MARCHF6: variants seen among roughly 807,000 people sequenced by gnomAD.
MARCHF6 encodes E3 ubiquitin-protein ligase MARCHF6.
A neutral mutation model predicts 133.7 loss-of-function variants in MARCHF6; 31 were observed. The observed-to-expected ratio is 0.23, with a 90% confidence interval of 0.17 to 0.31. The LOEUF (loss-of-function observed/expected upper bound fraction) is 0.31, where lower values mean the gene tolerates loss of function less well. MARCHF6 is among the 10% of genes least tolerant of loss of function. The pLI is 1.00. For missense variants in MARCHF6, 723 were observed against 1,121.6 expected (o/e 0.64, Z 5.08); for synonymous variants, 395 against 402.5 (o/e 0.98, Z 0.22).
chr5:10,378,293 TA>T (rs574172796), intron 2 of MARCHF6, among the ~76,000 whole-genome samples: 15 of 152,232 alleles, frequency 9.9e-5, no homozygotes, highest in Non-Finnish European at 1.8e-4. Context: ...AACTCATTTT[TA>T]ATCCTTATAA....
rs1470679268 is a variant in MARCHF6, at chr5:10,366,706, G to A, written c.20-11092G>A. Among the ~76,000 whole-genome samples, 5 of 152,224 alleles carry A rather than the reference G, an allele frequency of 3.3e-5. No individual in the cohort carries two copies. The East Asian group carries it at 9.6e-4, about 29-fold the overall frequency. ...CCTTAGAATTTATTGGGTAGAAAGA[G>A]CAGGGGGGAGGTGATAATGACTGGT... On this transcript the variant is annotated intron_variant, in intron 1 of 25. Coordinates refer to ENST00000274140, the MANE Select transcript of MARCHF6 (RefSeq NM_005885.4).
At chr5:10,406,210 A>G (rs976789179) in intron 16 of MARCHF6, among the ~76,000 whole-genome samples, 1 of 152,170 alleles carries the variant, frequency 6.6e-6, no homozygotes, top group Non-Finnish European at 1.5e-5. Context: ...CTGGTCCCTG[A>G]TGCCAAAATG....
intron 4 of MARCHF6, among the ~76,000 whole-genome samples, chr5:10,384,500 G>A (rs533945293): frequency 2.2e-4 from 33 of 152,274 alleles, no homozygotes; most frequent in African/African-American, 7.5e-4. Flanking sequence ...AATATACTAA[G>A]CTCTCCGTAT....
chr5:10,409,857 A>G (rs1739117916), intron 17 of MARCHF6, among the ~76,000 whole-genome samples: 1 of 152,138 alleles, frequency 6.6e-6, no homozygotes, highest in African/African-American at 2.4e-5. Flanking sequence ...GTGAGGTGTC[A>G]AAGGAAGGAG....
intron 24 of MARCHF6, among the ~76,000 whole-genome samples, chr5:10,428,857 C>T (rs1290183895): frequency 1.3e-5 from 2 of 152,016 alleles, no homozygotes; most frequent in Admixed American, 1.3e-4. Flanking sequence ...TTATTGTGAG[C>T]ATTTCTGGAA....
chr5:10,402,963 G>A (rs79130699), intron 14 of MARCHF6, among the ~76,000 whole-genome samples: 2,889 of 152,192 alleles, frequency 0.019, 98 homozygotes, highest in African/African-American at 0.066. Flanking sequence ...CTAATCATTT[G>A]ATTTAACTAA....
chr5:10,415,539 A>G lies in MARCHF6; in HGVS notation c.2018A>G (p.His673Arg). The part of the protein sequence containing the change: ...MSFWTGTAKI[H>R]ELYTAACGLY... ...TTTTGGACGGGGACTGCCAAAATCC[A>G]TGAGCTCTACACAGCTGCTTGTGGT... Residue 673 changes from histidine to arginine, a missense_variant, in exon 21 of 26, where the codon CAT becomes CGT. By Grantham distance (29) the His-to-Arg change is conservative (BLOSUM62 0). This residue lies in a region of MARCHF6 where 492 missense variants were observed against 699.5 expected (regional missense o/e 0.70). Coordinates refer to ENST00000274140, the MANE Select transcript of MARCHF6 (RefSeq NM_005885.4). 1 of 1,604,516 alleles carries G rather than the reference A, an allele frequency of 6.2e-7. No homozygotes were observed. Among genetic ancestry groups the G allele is most frequent in the Non-Finnish European group, 8.5e-7 (1 of 1,175,290 alleles).
rs769643438 is a variant in MARCHF6, at chr5:10,386,982, C to CT, written c.335-7dup. 5.6e-6 allele frequency: 9 copies of CT among 1,611,772 alleles called. No homozygotes were observed. Among genetic ancestry groups the CT allele is most frequent in the Non-Finnish European group, 7.6e-6 (9 of 1,178,110 alleles). On this transcript the variant is annotated splice_polypyrimidine_tract_variant and intron_variant, in intron 4 of 25. Transcript: ENST00000274140. ...AGTTGTGACTGTGTGCCATCATGCT[C>CT]TTTTTCGGTAGGCCGCATCTACAAG...
chr5:10,386,597 CT>C, intron 4 of MARCHF6, among the ~76,000 whole-genome samples: 1 of 152,296 alleles, frequency 6.6e-6, no homozygotes, highest in East Asian at 1.9e-4. Flanking sequence ...ATTTCAAAGA[CT>C]TATACCTCCA....
intron 9 of MARCHF6, among the ~76,000 whole-genome samples, chr5:10,395,950 G>A (rs1738165325): frequency 6.6e-6 from 1 of 152,262 alleles, no homozygotes; most frequent in Non-Finnish European, 1.5e-5. Flanking sequence ...AGTATAGAAA[G>A]CATTATTTGG....
At chr5:10,424,190 T>A (rs992062309) in intron 23 of MARCHF6, among the ~76,000 whole-genome samples, 17 of 152,136 alleles carry the variant, frequency 1.1e-4, no homozygotes, top group Non-Finnish European at 1.3e-4. Context: ...GAATAATAAA[T>A]TTTTAGAGAA....
At chr5:10,425,076 C>T (rs1179721780) in intron 23 of MARCHF6, among the ~76,000 whole-genome samples, 2 of 152,182 alleles carry the variant, frequency 1.3e-5, no homozygotes. Flanking sequence ...AGTTCTGCAG[C>T]AGTAAAGTAC....
At chr5:10,418,223 A>T (rs181682015) in intron 22 of MARCHF6, among the ~76,000 whole-genome samples, 1,533 of 152,128 alleles carry the variant, frequency 0.01, 11 homozygotes, top group Middle Eastern at 0.061. Context: ...TACCCAAAAT[A>T]CAAAAAATTA....
intron 1 of MARCHF6, among the ~76,000 whole-genome samples, chr5:10,363,841 A>G (rs1227173343): frequency 6.6e-6 from 1 of 152,220 alleles, no homozygotes; most frequent in Non-Finnish European, 1.5e-5. Context: ...GATAAGTGAA[A>G]TAAGCCAGTC....
intron 1 of MARCHF6, among the ~76,000 whole-genome samples, chr5:10,359,864 G>T (rs1430274616): frequency 1.3e-5 from 2 of 152,052 alleles, no homozygotes; most frequent in Non-Finnish European, 2.9e-5. Flanking sequence ...AAATTAGCTG[G>T]ATGTGGTGGC....
At chr5:10,417,442 G>A (rs1237531407) in intron 22 of MARCHF6, 38 bp downstream of exon 22, 1 of 1,610,260 alleles carries the variant, frequency 6.2e-7, no homozygotes, top group Non-Finnish European at 8.5e-7. Flanking sequence ...TTTCATTAAG[G>A]ATTTGAGATC....
rs1021429141 is a variant in MARCHF6, at chr5:10,436,805, TC to T, written c.*3126del. 1.1e-4 allele frequency: 17 copies of T among 152,332 alleles called. No homozygotes were observed. Among genetic ancestry groups the T allele is most frequent in the African/African-American group, 3.8e-4 (16 of 41,582 alleles). The allele number at this position is 152,332 out of a possible 1,614,324, so 9.4% of individuals were successfully genotyped here. A position where few individuals can be genotyped will look rare whatever the true frequency, so the allele number is the denominator to read the frequency against. On this transcript the variant is annotated 3_prime_UTR_variant, in exon 26 of 26. Coordinates refer to ENST00000274140, the MANE Select transcript of MARCHF6 (RefSeq NM_005885.4). ...TTCCCATGTTTTTAGGTGACTTTTT[TC>T]CCCCTCTTAGTACTCTGGAGAAACA...
At position 10,403,645 on chromosome 5, in the gene MARCHF6, T is replaced by C. The variant is rs182374794; in HGVS notation, c.1332+104T>C. ...CTATGATGATTTCCTACCTAAATCA[T>C]ATTCTCTACTATTTTATTCTAAGAG... is the stretch of plus-strand genomic sequence containing the variant. On this transcript the variant is annotated intron_variant, in intron 15 of 25. Transcript: ENST00000274140. 2.7e-5 allele frequency: 27 copies of C among 1,006,512 alleles called. No homozygotes were observed. In the African/African-American group the frequency reaches 4.1e-4, roughly 15 times the overall value. 62.3% of individuals were successfully genotyped at this position (1,006,512 alleles called of 1,614,324 possible).
At chr5:10,425,268 G>A (rs1319175684) in intron 23 of MARCHF6, among the ~76,000 whole-genome samples, 1 of 152,258 alleles carries the variant, frequency 6.6e-6, no homozygotes, top group East Asian at 1.9e-4. Flanking sequence ...AAGTCCACCA[G>A]GAGTGTGATG....
Sources: allele counts gnomAD v4.1 joint callset (sites outside exome capture counted in the v4.1 genomes callset), GRCh38; gene constraint gnomAD v4.1.1; regional missense constraint gnomAD v4.1.1; transcripts MANE v1.5; gene names NCBI Gene and HGNC (gene_info 2026-07-23, HGNC 2026-07-21).